The following WHRN variants were observed in gnomAD, a reference collection of about 807,000 sequenced individuals.
WHRN encodes CASK-interacting protein CIP98.
A neutral mutation model predicts 68.3 loss-of-function variants in WHRN; 41 were observed. That is an observed-to-expected ratio of 0.60 (90% CI 0.47 to 0.78). WHRN has a LOEUF of 0.78. Among genes scored for constraint, WHRN ranks in the 30% least tolerant of loss-of-function variants. The pLI, the probability that WHRN is intolerant of heterozygous loss-of-function variation, is 0.00. For synonymous variants in WHRN, 560 were observed against 561.3 expected (o/e 1.00, Z 0.03); for missense variants, 1,243 against 1,244.7 (o/e 1.00, Z 0.02).
chr9:114,411,055 G>C (rs951186741), intron 7 of WHRN, among the ~76,000 whole-genome samples: 31 of 152,164 alleles, frequency 2.0e-4, no homozygotes, highest in Non-Finnish European at 4.1e-4. Context: ...CTCAGAATAG[G>C]GCCTGGCACA....
In WHRN at chr9:114,479,924, G is replaced by A. The variant is rs142931324; in HGVS notation, c.619-1153C>T. On this transcript the variant is annotated intron_variant, in intron 1 of 11. Coordinates refer to ENST00000362057, the MANE Select transcript of WHRN (RefSeq NM_015404.4). Reference sequence around the variant, plus strand: ...CTAAAAATACAAAAATTAACTGGGCGTGGTGGTGGGCACCTGTAATCCCAG... The same window carrying A: ...CTAAAAATACAAAAATTAACTGGGCATGGTGGTGGGCACCTGTAATCCCAG... Among the ~76,000 whole-genome samples the A allele has an allele frequency of 2.2e-3, 330 of 152,262 alleles. 1 individual carries two copies. The highest frequency in any genetic ancestry group is 7.5e-3 in the African/African-American group (313 of 41,542).
At chr9:114,420,468 C>T (rs1836182799) in intron 7 of WHRN, among the ~76,000 whole-genome samples, 1 of 152,186 alleles carries the variant, frequency 6.6e-6, no homozygotes, top group Non-Finnish European at 1.5e-5. Context: ...TGTCTGAGGT[C>T]ACACCTGCTA....
intron 3 of WHRN, among the ~76,000 whole-genome samples, chr9:114,465,978 C>G (rs769813431): frequency 6.6e-6 from 1 of 152,192 alleles, no homozygotes; most frequent in African/African-American, 2.4e-5. Context: ...CTCCTCTATC[C>G]TCTCCACGCA....
intron 2 of WHRN, among the ~76,000 whole-genome samples, chr9:114,469,711 C>T (rs546254441): frequency 6.6e-6 from 1 of 152,372 alleles, no homozygotes; most frequent in African/African-American, 2.4e-5. Flanking sequence ...GTGTTGACCC[C>T]AGGGCACTGC....
At chr9:114,448,269 G>A (rs939399225) in intron 3 of WHRN, among the ~76,000 whole-genome samples, 1 of 152,132 alleles carries the variant, frequency 6.6e-6, no homozygotes, top group Non-Finnish European at 1.5e-5. Flanking sequence ...AAGAACACAC[G>A]AAGACAGGGG....
intron 3 of WHRN, among the ~76,000 whole-genome samples, chr9:114,430,331 C>G (rs781720627): frequency 6.6e-6 from 1 of 152,214 alleles, no homozygotes; most frequent in South Asian, 2.1e-4. Context: ...TAAAAATATA[C>G]ATATGTCCCA....
At chr9:114,438,325 T>C (rs776915738) in intron 3 of WHRN, among the ~76,000 whole-genome samples, 7 of 152,124 alleles carry the variant, frequency 4.6e-5, no homozygotes, top group Non-Finnish European at 1.0e-4. Context: ...ATTTCTCATC[T>C]ATCAGATTGA....
intron 2 of WHRN, among the ~76,000 whole-genome samples, chr9:114,469,241 T>C (rs1198582821): frequency 3.3e-5 from 5 of 152,156 alleles, no homozygotes; most frequent in African/African-American, 1.2e-4. Flanking sequence ...GGGGAGATGA[T>C]GACTGTGGGC....
At chr9:114,407,725 C>T (rs903249154) in intron 8 of WHRN, among the ~76,000 whole-genome samples, 4 of 152,176 alleles carry the variant, frequency 2.6e-5, no homozygotes, top group Non-Finnish European at 2.9e-5. Flanking sequence ...CTGAAGGCCC[C>T]GCCTGAAGTC....
rs1292972674 is a variant in WHRN at position 114,423,337 on chromosome 9, A to G, written c.1603T>C (p.Ser535Pro). Residue 535 changes from serine to proline, a missense_variant, in exon 7 of 12, where the codon TCC becomes CCC. Physicochemically the swap from Ser to Pro is moderately conservative, Grantham distance 74. Coordinates refer to ENST00000362057, the MANE Select transcript of WHRN (RefSeq NM_015404.4). ...ACCCTGGCCGAGCTGACGGTGGTGG[A>G]GGTGCCGTGGCTGCCTGTGGATGAA... ...TGSSTGSHGT[S>P]TTVSSARNTL... 2.0e-5 allele frequency: 33 copies of G among 1,613,830 alleles called. No homozygotes were observed. The highest frequency in any genetic ancestry group is 2.7e-5 in the Non-Finnish European group (32 of 1,179,936).
Position 114,473,312 on chromosome 9 carries a change from C to T in WHRN, c.837+5241G>A, listed in dbSNP as rs572787776. 1.4e-4 allele frequency among the ~76,000 whole-genome samples: 22 copies of T among 152,338 alleles called. No homozygotes were observed. The East Asian group carries it at 4.2e-3, about 29-fold the overall frequency. ...AGATTCCAGATGCTGACCAAGATGA[C>T]TGGTGCTGTGTGCAGGCAGGCTCTG... On this transcript the variant is annotated intron_variant, in intron 2 of 11. Transcript: ENST00000362057.
At chr9:114,502,060 A>G (rs889468705) in intron 1 of WHRN, among the ~76,000 whole-genome samples, 7 of 152,182 alleles carry the variant, frequency 4.6e-5, no homozygotes, top group Non-Finnish European at 7.4e-5. Context: ...CCACCCACCA[A>G]AGAAAAGTCT....
intron 1 of WHRN, among the ~76,000 whole-genome samples, chr9:114,485,417 G>A (rs1490382128): frequency 5.9e-5 from 9 of 152,202 alleles, no homozygotes; most frequent in African/African-American, 9.6e-5. Context: ...CTGGTCAGGC[G>A]CAGTGGCTCA....
intron 3 of WHRN, among the ~76,000 whole-genome samples, chr9:114,441,940 G>C (rs1479792899): frequency 6.6e-6 from 1 of 152,194 alleles, no homozygotes; most frequent in African/African-American, 2.4e-5. Context: ...CAAGTGATCA[G>C]TGTTACCCTC....
At chr9:114,442,151 C>G (rs1475935541) in intron 3 of WHRN, among the ~76,000 whole-genome samples, 1 of 152,120 alleles carries the variant, frequency 6.6e-6, no homozygotes, top group Non-Finnish European at 1.5e-5. Context: ...AGGAACTGTT[C>G]CAAATTAAAT....
intron 4 of WHRN, chr9:114,425,266 G>A: frequency 6.1e-6 from 4 of 654,550 alleles, no homozygotes; most frequent in Non-Finnish European, 5.5e-6. Flanking sequence ...CCCGAGGTGG[G>A]CTCCTGAGTT....
At chr9:114,480,177 G>A (rs544097437) in intron 1 of WHRN, among the ~76,000 whole-genome samples, 34 of 152,068 alleles carry the variant, frequency 2.2e-4, no homozygotes, top group Non-Finnish European at 3.8e-4. Context: ...TGGAACCACC[G>A]TGAGGAGAGG....
At chr9:114,450,493 G>A (rs904399401) in intron 3 of WHRN, among the ~76,000 whole-genome samples, 6 of 152,118 alleles carry the variant, frequency 3.9e-5, no homozygotes, top group African/African-American at 1.4e-4. Context: ...CCTGGTAAGT[G>A]GCCATGGGCA....
chr9:114,491,346 G>A (rs554920060), intron 1 of WHRN, among the ~76,000 whole-genome samples: 114 of 152,252 alleles, frequency 7.5e-4, no homozygotes, highest in Middle Eastern at 3.4e-3. Context: ...CTACTCGGCC[G>A]ATGTCTGAAA....
Sources: gnomAD v4.1 joint callset for allele counts (sites outside exome capture counted in the v4.1 genomes callset) on GRCh38, gnomAD v4.1.1 for gene constraint, MANE v1.5 for transcripts, NCBI Gene and HGNC (gene_info 2026-07-23, HGNC 2026-07-21) for gene names.